Variants in ADAMTS18 observed in about 807,000 individuals in gnomAD.
The protein encoded by ADAMTS18 is A disintegrin and metalloproteinase with thrombospondin motifs 18.
In ADAMTS18, 157 loss-of-function variants were observed where a neutral mutation model predicts 165.9. That is an observed-to-expected ratio of 0.95 (90% CI 0.83 to 1.08). The LOEUF is 1.08. Ranked by LOEUF, ADAMTS18 falls within the 50% of genes least tolerant of loss-of-function variation. The probability of loss-of-function intolerance (pLI) is 0.00; values close to 1 mark genes in which losing one functional copy is unlikely to be tolerated. For synonymous variants in ADAMTS18, 782 were observed against 578.2 expected (o/e 1.35, Z -5.06); for missense variants, 2,040 against 1,534.0 (o/e 1.33, Z -5.51).
chr16:77,293,023 G>C, intron 20 of ADAMTS18, 53 bp downstream of exon 20: 1 of 1,609,048 alleles, frequency 6.2e-7, no homozygotes, highest in Non-Finnish European at 8.5e-7. Context: ...GTTTCACTGT[G>C]TTAGCCAGGA....
chr16:77,300,395 G>C lies in ADAMTS18; in HGVS notation c.2542C>G (p.Gln848Glu), dbSNP rs773917322. 1 of 1,613,894 alleles carries C rather than the reference G, an allele frequency of 6.2e-7. No individual in the cohort carries two copies. Among genetic ancestry groups the C allele is most frequent in the African/African-American group, 1.3e-5 (1 of 74,870 alleles). The change falls in exon 17 of 23, where the codon CAA becomes GAA. Residue 848 changes from glutamine to glutamate, a missense_variant. Transcript: ENST00000282849. ...CAAGCTATCCCTGGATTTTTGCCTT[G>C]CATCAGAATCTGGACAGTGTAAGAT... ...NETLVFEILM[Q>E]GKNPGIAWKY...
intron 3 of ADAMTS18, among the ~76,000 whole-genome samples, chr16:77,427,827 T>C (rs562393095): frequency 1.3e-5 from 2 of 152,294 alleles, no homozygotes; most frequent in East Asian, 3.9e-4. Context: ...ATTACAAATA[T>C]TTCAAACAGG....
chr16:77,404,952 T>A (rs1380776191), intron 3 of ADAMTS18, among the ~76,000 whole-genome samples: 1 of 152,124 alleles, frequency 6.6e-6, no homozygotes, highest in Non-Finnish European at 1.5e-5. Flanking sequence ...AAAAGGATGT[T>A]TGAACAGTGT....
intron 8 of ADAMTS18, 115 bp from the exon 9 acceptor site, chr16:77,356,192 T>A: frequency 7.2e-7 from 1 of 1,384,130 alleles, no homozygotes. Context: ...AGAGACAGAG[T>A]TATTAAAACT....
chr16:77,338,500 G>A (rs898256244), intron 11 of ADAMTS18, among the ~76,000 whole-genome samples: 2 of 151,896 alleles, frequency 1.3e-5, no homozygotes, highest in Admixed American at 6.6e-5. Context: ...GCCCCCCAAA[G>A]TGCTGAGATT....
chr16:77,367,928 G>A (rs193207049), intron 3 of ADAMTS18, among the ~76,000 whole-genome samples: 148 of 152,268 alleles, frequency 9.7e-4, no homozygotes, highest in South Asian at 8.3e-3. Context: ...CAAAGCTGGA[G>A]AGCAGTGGCA....
chr16:77,301,972 G>C (rs1250653365), intron 16 of ADAMTS18, among the ~76,000 whole-genome samples: 1 of 144,840 alleles, frequency 6.9e-6, no homozygotes, highest in Non-Finnish European at 1.5e-5. Context: ...AGTCTTAGGA[G>C]TCTTTTATTT....
chr16:77,429,924 C>G (rs975153722), intron 3 of ADAMTS18, among the ~76,000 whole-genome samples: 1 of 152,178 alleles, frequency 6.6e-6, no homozygotes, highest in African/African-American at 2.4e-5. Flanking sequence ...GCATAGTTAA[C>G]TCTACTTAAC....
At chr16:77,400,292 C>T (rs1161549233) in intron 3 of ADAMTS18, among the ~76,000 whole-genome samples, 2 of 151,506 alleles carry the variant, frequency 1.3e-5, no homozygotes, top group South Asian at 4.2e-4. Context: ...CACCTGTTCC[C>T]CATGCTTTTC....
intron 3 of ADAMTS18, among the ~76,000 whole-genome samples, chr16:77,375,890 CTTTTT>C (rs200629744): frequency 1.4e-4 from 13 of 93,888 alleles, no homozygotes; most frequent in East Asian, 1.1e-3. Flanking sequence ...TCTTTCTTTC[CTTTTT>C]TTTTTTTTTT....
intron 10 of ADAMTS18, among the ~76,000 whole-genome samples, chr16:77,346,774 G>C (rs2056483267): frequency 1.3e-5 from 2 of 152,164 alleles, no homozygotes; most frequent in Non-Finnish European, 2.9e-5. Flanking sequence ...ACAAGTAGGA[G>C]TCACCAAGAA....
At chr16:77,404,416 A>T (rs1240308279) in intron 3 of ADAMTS18, among the ~76,000 whole-genome samples, 1 of 152,156 alleles carries the variant, frequency 6.6e-6, no homozygotes, top group Admixed American at 6.5e-5. Flanking sequence ...ATAATCATAC[A>T]TACCTAGGAT....
intron 20 of ADAMTS18, among the ~76,000 whole-genome samples, chr16:77,291,679 G>T (rs1304058785): frequency 6.6e-6 from 1 of 152,350 alleles, no homozygotes; most frequent in Middle Eastern, 3.4e-3. Flanking sequence ...AAAGTTCAGA[G>T]AACGGAACTG....
intron 2 of ADAMTS18, among the ~76,000 whole-genome samples, chr16:77,433,086 T>G (rs2057757894): frequency 6.6e-6 from 1 of 152,198 alleles, no homozygotes; most frequent in African/African-American, 2.4e-5. Flanking sequence ...CATACAATAT[T>G]TTTCTTCTCT....
chr16:77,394,730 T>G (rs924195065), intron 3 of ADAMTS18, among the ~76,000 whole-genome samples: 2 of 152,140 alleles, frequency 1.3e-5, no homozygotes, highest in Non-Finnish European at 2.9e-5. Flanking sequence ...AAGCAGGCAA[T>G]TCTTATATTT....
chr16:77,409,457 A>G (rs908683359), intron 3 of ADAMTS18, among the ~76,000 whole-genome samples: 9 of 152,178 alleles, frequency 5.9e-5, no homozygotes, highest in Non-Finnish European at 1.2e-4. Context: ...AATAACAAAA[A>G]ACTGTTCTCC....
chr16:77,386,048 T>C (rs989754367), intron 3 of ADAMTS18, among the ~76,000 whole-genome samples: 9 of 152,218 alleles, frequency 5.9e-5, no homozygotes, highest in Admixed American at 2.0e-4. Flanking sequence ...GATGAAGTGA[T>C]TGGACTTGGT....
chr16:77,419,309 T>A (rs1007636480), intron 3 of ADAMTS18, among the ~76,000 whole-genome samples: 1 of 152,142 alleles, frequency 6.6e-6, no homozygotes, highest in Non-Finnish European at 1.5e-5. Context: ...ACTCAGGCTG[T>A]TGGCAGAATT....
intron 22 of ADAMTS18, among the ~76,000 whole-genome samples, chr16:77,284,736 TA>T (rs2055215604): frequency 6.6e-6 from 1 of 152,170 alleles, no homozygotes; most frequent in Non-Finnish European, 1.5e-5. Context: ...GGAAATACCC[TA>T]AAATGGTGCT....
Sources: gnomAD v4.1 joint callset for allele counts (sites outside exome capture counted in the v4.1 genomes callset) on GRCh38, gnomAD v4.1.1 for gene constraint, MANE v1.5 for transcripts, NCBI Gene and HGNC (gene_info 2026-07-23, HGNC 2026-07-21) for gene names.